TRPC7: variants seen among roughly 807,000 people sequenced by gnomAD.
TRPC7 encodes short transient receptor potential channel 7.
Under a neutral mutation model 90.1 loss-of-function variants are expected in TRPC7, and 42 were observed. That is an observed-to-expected ratio of 0.47 (90% confidence interval 0.36 to 0.60). The LOEUF (loss-of-function observed/expected upper bound fraction) is 0.60. TRPC7 is among the 20% of genes least tolerant of loss of function. The pLI is 0.00. For synonymous variants in TRPC7, 451 were observed against 436.3 expected (o/e 1.03, Z -0.42); for missense variants, 955 against 1,112.3 (o/e 0.86, Z 2.01).
intron 1 of TRPC7, among the ~76,000 whole-genome samples, chr5:136,363,297 A>C (rs1045136464): frequency 6.6e-5 from 10 of 152,168 alleles, no homozygotes; most frequent in African/African-American, 1.7e-4. Context: ...TTTCTGTTGA[A>C]ATTGAGGTGA....
At chr5:136,274,977 G>C (rs1204117917) in intron 3 of TRPC7, 140 bp from the exon 4 acceptor site, 1 of 902,900 alleles carries the variant, frequency 1.1e-6, no homozygotes. Context: ...GCAGTGGGTG[G>C]GGATGAGGCG....
At chr5:136,312,345 G>A (rs1166281031) in intron 3 of TRPC7, among the ~76,000 whole-genome samples, 1 of 152,190 alleles carries the variant, frequency 6.6e-6, no homozygotes, top group Non-Finnish European at 1.5e-5. Flanking sequence ...CAAAGGACCA[G>A]CTAGGGAATT....
rs76839573 is a variant in TRPC7 at position 136,258,403 on chromosome 5, C to T, written c.1346-6521G>A. Among the ~76,000 whole-genome samples, 563 of 152,320 alleles carry T rather than the reference C, an allele frequency of 3.7e-3. 1 individual carries two copies. Among genetic ancestry groups the T allele is most frequent in the African/African-American group, 6.7e-3 (280 of 41,572 alleles). ...AGCGTTTTATATCCAAGCTGAGCCCCATGGCCTTTTGCCTCCAGCATGTCA... is the reference window on the plus strand; with the variant it reads ...AGCGTTTTATATCCAAGCTGAGCCCTATGGCCTTTTGCCTCCAGCATGTCA... On this transcript the variant is annotated intron_variant, in intron 5 of 11. Coordinates refer to ENST00000513104, the MANE Select transcript of TRPC7 (RefSeq NM_020389.3).
intron 4 of TRPC7, among the ~76,000 whole-genome samples, chr5:136,271,146 A>G (rs1757198515): frequency 6.6e-6 from 1 of 152,096 alleles, no homozygotes; most frequent in African/African-American, 2.4e-5. Context: ...GATGGTGAAG[A>G]GGGGGTACCA....
intron 2 of TRPC7, among the ~76,000 whole-genome samples, chr5:136,344,341 T>C (rs1006689907): frequency 1.3e-5 from 2 of 152,144 alleles, no homozygotes; most frequent in Non-Finnish European, 2.9e-5. Context: ...TGGTACTTAT[T>C]ACCTGTATGA....
chr5:136,213,877 C>CTGTGAATTCACAGCCT (rs1755171373), intron 11 of TRPC7, among the ~76,000 whole-genome samples: 1 of 152,218 alleles, frequency 6.6e-6, no homozygotes, highest in South Asian at 2.1e-4. Context: ...AAGATCAGGG[C>CTGTGAATTCACAGCCT]TGTGAATTGT....
chr5:136,281,852 T>C (rs886554176), intron 3 of TRPC7, among the ~76,000 whole-genome samples: 2 of 152,226 alleles, frequency 1.3e-5, no homozygotes, highest in African/African-American at 4.8e-5. Context: ...TACCAACATA[T>C]TGCTTTTTGA....
intron 1 of TRPC7, among the ~76,000 whole-genome samples, chr5:136,358,792 T>G (rs981116524): frequency 6.6e-6 from 1 of 152,218 alleles, no homozygotes; most frequent in African/African-American, 2.4e-5. Flanking sequence ...TTTTTGATTC[T>G]CCAATTGGTT....
At chr5:136,317,639 C>G (rs770099614) in intron 2 of TRPC7, among the ~76,000 whole-genome samples, 1 of 152,270 alleles carries the variant, frequency 6.6e-6, no homozygotes, top group African/African-American at 2.4e-5. Flanking sequence ...GCCCCAACCC[C>G]GTAACTTTAT....
chr5:136,350,898 G>A (rs114619032), intron 2 of TRPC7, among the ~76,000 whole-genome samples: 17 of 152,194 alleles, frequency 1.1e-4, no homozygotes, highest in African/African-American at 4.1e-4. Context: ...ATTAGGGATG[G>A]TATACAGTCA....
chr5:136,353,883 T>G (rs564311017), intron 2 of TRPC7, among the ~76,000 whole-genome samples: 1 of 152,218 alleles, frequency 6.6e-6, no homozygotes, highest in African/African-American at 2.4e-5. Flanking sequence ...AATATCATAG[T>G]AGATGCTTTC....
intron 3 of TRPC7, among the ~76,000 whole-genome samples, chr5:136,275,678 G>T (rs1381551132): frequency 6.6e-6 from 1 of 152,128 alleles, no homozygotes; most frequent in African/African-American, 2.4e-5. Flanking sequence ...CTATTGTGTG[G>T]CCATGTCCTG....
intron 3 of TRPC7, among the ~76,000 whole-genome samples, chr5:136,307,596 C>T (rs780819649): frequency 6.6e-6 from 1 of 152,178 alleles, no homozygotes; most frequent in South Asian, 2.1e-4. Flanking sequence ...AGGTTCTCAA[C>T]AGGGAATTAT....
intron 3 of TRPC7, among the ~76,000 whole-genome samples, chr5:136,279,702 A>G (rs1187717864): frequency 6.6e-6 from 1 of 152,228 alleles, no homozygotes; most frequent in African/African-American, 2.4e-5. Context: ...CTAACCTGAA[A>G]TCAAAGAAGT....
intron 3 of TRPC7, among the ~76,000 whole-genome samples, chr5:136,291,336 C>T (rs1757939189): frequency 6.6e-6 from 1 of 152,206 alleles, no homozygotes; most frequent in Non-Finnish European, 1.5e-5. Flanking sequence ...AATTAAAAGG[C>T]ACAGACTGGC....
chr5:136,320,793 A>G (rs1759172870), intron 2 of TRPC7, among the ~76,000 whole-genome samples: 2 of 152,068 alleles, frequency 1.3e-5, no homozygotes, highest in Admixed American at 6.5e-5. Context: ...CTTTCTCCAG[A>G]TATCTACATG....
At chr5:136,364,912 T>C (rs560880330) in intron 1 of TRPC7, among the ~76,000 whole-genome samples, 1 of 152,208 alleles carries the variant, frequency 6.6e-6, no homozygotes, top group African/African-American at 2.4e-5. Context: ...TACAACCACA[T>C]AAATACATTA....
chr5:136,248,912 A>C (rs1756432904), intron 6 of TRPC7, among the ~76,000 whole-genome samples: 1 of 152,244 alleles, frequency 6.6e-6, no homozygotes, highest in African/African-American at 2.4e-5. Flanking sequence ...ACTGAATAGG[A>C]GTACTACTGG....
rs77533859 is a variant in TRPC7, at chr5:136,338,873, C to T, written c.780+17735G>A. Among the ~76,000 whole-genome samples, 13 of 152,072 alleles carry T rather than the reference C, an allele frequency of 8.5e-5. No individual in the cohort carries two copies. The East Asian group carries it at 2.3e-3, about 27-fold the overall frequency. ...ACCATGAATTGTTACCACTCTACAG[C>T]CTAAAAACCAAACACGAAAATCATC... On this transcript the variant is annotated intron_variant, in intron 2 of 11. Coordinates refer to ENST00000513104, the MANE Select transcript of TRPC7 (RefSeq NM_020389.3).
Sources: allele counts gnomAD v4.1 joint callset (sites outside exome capture counted in the v4.1 genomes callset), GRCh38; gene constraint gnomAD v4.1.1; transcripts MANE v1.5; gene names NCBI Gene and HGNC (gene_info 2026-07-23, HGNC 2026-07-21).